RBFOX1: variants seen among roughly 807,000 people sequenced by gnomAD.
RBFOX1 encodes RNA binding protein fox-1 homolog 1.
A neutral mutation model predicts 57.7 loss-of-function variants in RBFOX1; 8 were observed. The observed-to-expected ratio is 0.14, with a 90% CI of 0.08 to 0.25. The LOEUF (loss-of-function observed/expected upper bound fraction) is 0.25. Ranked by LOEUF, RBFOX1 falls within the 10% of genes least tolerant of loss-of-function variation. The pLI, the probability that RBFOX1 is intolerant of heterozygous loss-of-function variation, is 1.00. For synonymous variants in RBFOX1, 326 were observed against 222.4 expected, an observed-to-expected ratio of 1.47 and a Z score of -4.15; for missense variants, 611 against 548.5, an observed-to-expected ratio of 1.11 and a Z score of -1.14.
At chr16:5,793,774 TATGTGC>T (rs199941776) in intron 3 of RBFOX1, among the ~76,000 whole-genome samples, 6,957 of 152,214 alleles carry the variant, frequency 0.046, 494 homozygotes, top group African/African-American at 0.16. Context: ...TGCATGTGTG[TATGTGC>T]ATGTGCATGT....
chr16:7,467,726 C>A (rs189721858), intron 4 of RBFOX1, among the ~76,000 whole-genome samples: 3 of 152,124 alleles, frequency 2.0e-5, no homozygotes, highest in Non-Finnish European at 4.4e-5. Flanking sequence ...ACTGGGACAC[C>A]CCTTATCTTC....
chr16:7,196,877 C>T lies in RBFOX1; in HGVS notation c.27+144779C>T, dbSNP rs548692378. Among the ~76,000 whole-genome samples, 10 of 152,134 alleles carry T rather than the reference C, an allele frequency of 6.6e-5. No individual in the cohort carries two copies. In the South Asian group the frequency reaches 1.7e-3, roughly 25 times the overall value. On this transcript the variant is annotated intron_variant, in intron 4 of 15. Coordinates refer to ENST00000550418, the MANE Select transcript of RBFOX1 (RefSeq NM_018723.4). ...AGGGAAAAGGAAATGGAATTCTGAG[C>T]CAAAGGTAAATATGCACAGCTAAAT... is the stretch of plus-strand genomic sequence containing the variant.
intron 4 of RBFOX1, among the ~76,000 whole-genome samples, chr16:7,469,724 G>T (rs2061213026): frequency 6.6e-6 from 1 of 151,996 alleles, no homozygotes; most frequent in African/African-American, 2.4e-5. Context: ...TATTTTTAGT[G>T]TACAATTCAG....
intron 4 of RBFOX1, among the ~76,000 whole-genome samples, chr16:7,072,143 A>C (rs1230460485): frequency 1.3e-5 from 2 of 152,206 alleles, no homozygotes; most frequent in Non-Finnish European, 2.9e-5. Flanking sequence ...AATAGTAGTT[A>C]CAACTGTTGT....
At chr16:7,604,178 G>C (rs569850010) in intron 9 of RBFOX1, among the ~76,000 whole-genome samples, 2 of 152,270 alleles carry the variant, frequency 1.3e-5, no homozygotes, top group Admixed American at 6.5e-5. Context: ...AAAGGGAGAA[G>C]GACTTGCTGA....
intron 1 of RBFOX1, among the ~76,000 whole-genome samples, chr16:6,307,728 G>C (rs1390207005): frequency 2.5e-4 from 36 of 145,238 alleles, no homozygotes; most frequent in Admixed American, 2.5e-3. Flanking sequence ...TCTCTATTTT[G>C]ATAATTATTT....
At chr16:6,025,300 C>G (rs1215874712) in intron 1 of RBFOX1, among the ~76,000 whole-genome samples, 2 of 152,188 alleles carry the variant, frequency 1.3e-5, no homozygotes, top group African/African-American at 2.4e-5. Context: ...AAACTCGATT[C>G]CCCACCACCA....
At chr16:7,321,942 G>C (rs1180183183) in intron 4 of RBFOX1, among the ~76,000 whole-genome samples, 1 of 152,200 alleles carries the variant, frequency 6.6e-6, no homozygotes, top group East Asian at 1.9e-4. Flanking sequence ...TCTCCAATGA[G>C]AGGTTCAGCT....
At chr16:6,158,992 T>C (rs1567583759) in intron 1 of RBFOX1, among the ~76,000 whole-genome samples, 1 of 151,860 alleles carries the variant, frequency 6.6e-6, no homozygotes, top group Admixed American at 6.6e-5. Flanking sequence ...AACCTCCACC[T>C]CCTGGGTTCA....
chr16:5,702,494 G>A (rs777487010), intron 3 of RBFOX1, among the ~76,000 whole-genome samples: 39 of 152,182 alleles, frequency 2.6e-4, no homozygotes, highest in Non-Finnish European at 5.6e-4. Flanking sequence ...CTAGGCCAGC[G>A]AGGAAACTAA....
At chr16:7,284,457 A>G (rs1175897403) in intron 4 of RBFOX1, among the ~76,000 whole-genome samples, 1 of 151,794 alleles carries the variant, frequency 6.6e-6, no homozygotes, top group Non-Finnish European at 1.5e-5. Flanking sequence ...CAGCCTCCTG[A>G]GTAGCTGGGA....
At chr16:6,980,568 G>A (rs540245731) in intron 3 of RBFOX1, among the ~76,000 whole-genome samples, 1 of 152,296 alleles carries the variant, frequency 6.6e-6, no homozygotes, top group Admixed American at 6.5e-5. Context: ...TCAAAAGCGA[G>A]TATTGAAAAA....
At chr16:6,036,186 A>T (rs2095362930) in intron 1 of RBFOX1, among the ~76,000 whole-genome samples, 1 of 152,176 alleles carries the variant, frequency 6.6e-6, no homozygotes, top group Admixed American at 6.5e-5. Flanking sequence ...AAGCTGCAGG[A>T]CGTTACTGGA....
At position 7,089,968 on chromosome 16, in the gene RBFOX1, G is replaced by T. The variant is rs577460817; in HGVS notation, c.27+37870G>T. ...GAACAGCTGGATGCAGGCTGTTTAA[G>T]GAGATATGAATTAGCAAGCTAGCAT... is the stretch of plus-strand genomic sequence containing the variant. On this transcript the variant is annotated intron_variant, in intron 4 of 15. Transcript: ENST00000550418. Among the ~76,000 whole-genome samples the T allele has an allele frequency of 3.5e-4, 53 of 151,898 alleles. No individual in the cohort carries two copies. The East Asian group carries it at 9.5e-3, about 27-fold the overall frequency.
intron 2 of RBFOX1, among the ~76,000 whole-genome samples, chr16:6,335,701 C>T (rs189521104): frequency 9.0e-4 from 135 of 149,236 alleles, no homozygotes; most frequent in Non-Finnish European, 1.7e-3. Flanking sequence ...TCGGTTGAAC[C>T]CGGGAGCCGG....
intron 4 of RBFOX1, among the ~76,000 whole-genome samples, chr16:7,363,985 A>T (rs1293791577): frequency 6.6e-6 from 1 of 152,116 alleles, no homozygotes; most frequent in Non-Finnish European, 1.5e-5. Flanking sequence ...GAGGGGAAAT[A>T]TTTTTGAACA....
intron 2 of RBFOX1, among the ~76,000 whole-genome samples, chr16:5,510,252 C>T (rs538970531): frequency 3.7e-4 from 56 of 152,326 alleles, no homozygotes; most frequent in Middle Eastern, 6.8e-3. Flanking sequence ...GCAGCCGTCA[C>T]TTATTGTCAC....
chr16:6,197,028 G>A (rs1240352397), intron 1 of RBFOX1, among the ~76,000 whole-genome samples: 1 of 152,090 alleles, frequency 6.6e-6, no homozygotes, highest in Non-Finnish European at 1.5e-5. Context: ...ATATATAATT[G>A]CTGTCCTCAG....
At chr16:5,669,982 C>T (rs1347314453) in intron 3 of RBFOX1, among the ~76,000 whole-genome samples, 2 of 152,190 alleles carry the variant, frequency 1.3e-5, no homozygotes, top group East Asian at 1.9e-4. Flanking sequence ...TCTATCCATA[C>T]AGCAGAGTAT....
Sources: gnomAD v4.1 joint callset for allele counts (sites outside exome capture counted in the v4.1 genomes callset) on GRCh38, gnomAD v4.1.1 for gene constraint, MANE v1.5 for transcripts, NCBI Gene and HGNC (gene_info 2026-07-23, HGNC 2026-07-21) for gene names.